The following FBXL17 variants were observed in gnomAD, a reference collection of about 807,000 sequenced individuals.
The protein encoded by FBXL17 is F-box/LRR-repeat protein 17.
Under a neutral mutation model 66.2 loss-of-function variants are expected in FBXL17, and 22 were observed. The ratio of observed to expected loss-of-function variants is 0.33; its 90% CI spans 0.24 to 0.47. FBXL17 has a LOEUF of 0.47. FBXL17 is among the 20% of genes least tolerant of loss of function. The pLI is 1.00. For missense variants in FBXL17, 878 were observed against 948.2 expected (o/e 0.93, Z 0.97); for synonymous variants, 474 against 400.5 (o/e 1.18, Z -2.19).
Position 108,177,932 on chromosome 5 carries a change from T to TATATATATATATATACACAC in FBXL17, c.1745+8184_1745+8185insGTGTGTATATATATATATAT, listed in dbSNP as rs1242739302. On this transcript the variant is annotated intron_variant, in intron 6 of 8. Transcript: ENST00000542267. The stretch of plus-strand genomic sequence containing the variant: ...AAATGTATATATATATATATATATA[T>TATATATATATATATACACAC]ACACACACACACTATTACCTCACTA... Among the ~76,000 whole-genome samples, 102 of 126,884 alleles carry TATATATATATATATACACAC rather than the reference T, an allele frequency of 8.0e-4. 2 individuals are homozygous for TATATATATATATATACACAC. Among genetic ancestry groups the TATATATATATATATACACAC allele is most frequent in the Non-Finnish European group, 1.6e-3 (90 of 57,320 alleles). 83.2% of individuals were successfully genotyped at this position (126,884 alleles called of 152,430 possible). A position where few individuals can be genotyped will look rare whatever the true frequency, so the allele number is the denominator to read the frequency against.
chr5:108,177,416 G>C (rs1752832628), intron 6 of FBXL17, among the ~76,000 whole-genome samples: 1 of 152,106 alleles, frequency 6.6e-6, no homozygotes, highest in Admixed American at 6.5e-5. Context: ...ATCCCATATG[G>C]AAAAGCAAAG....
At chr5:107,955,327 A>G (rs968639039) in intron 7 of FBXL17, among the ~76,000 whole-genome samples, 2 of 152,200 alleles carry the variant, frequency 1.3e-5, no homozygotes, top group African/African-American at 2.4e-5. Flanking sequence ...TAACGTGAGT[A>G]GCATAAGTTT....
chr5:108,268,280 T>C (rs1757125061), intron 4 of FBXL17, among the ~76,000 whole-genome samples: 1 of 152,064 alleles, frequency 6.6e-6, no homozygotes. Context: ...GGGATGTGGG[T>C]GTGTGTGTGT....
chr5:108,304,214 C>T (rs1758731084), intron 4 of FBXL17, among the ~76,000 whole-genome samples: 1 of 151,968 alleles, frequency 6.6e-6, no homozygotes, highest in Admixed American at 6.6e-5. Context: ...TTTTTATCTA[C>T]TACCGTATAA....
At chr5:108,215,138 A>AT (rs1754545188) in intron 5 of FBXL17, among the ~76,000 whole-genome samples, 1 of 152,140 alleles carries the variant, frequency 6.6e-6, no homozygotes, top group African/African-American at 2.4e-5. Context: ...TTGTTTCCAC[A>AT]TTTTAGCTGT....
At chr5:108,215,935 T>C (rs1754580977) in intron 5 of FBXL17, among the ~76,000 whole-genome samples, 1 of 147,868 alleles carries the variant, frequency 6.8e-6, no homozygotes, top group African/African-American at 2.5e-5. Context: ...CAGATATCCT[T>C]GCACCATGTG....
At chr5:108,311,114 C>G (rs1043350196) in intron 4 of FBXL17, among the ~76,000 whole-genome samples, 9 of 152,090 alleles carry the variant, frequency 5.9e-5, no homozygotes, top group Admixed American at 5.9e-4. Flanking sequence ...ACCTTCAGTT[C>G]CCCACTGCAG....
intron 7 of FBXL17, among the ~76,000 whole-genome samples, chr5:107,908,682 G>C (rs1411994028): frequency 6.6e-6 from 1 of 152,182 alleles, no homozygotes; most frequent in African/African-American, 2.4e-5. Context: ...CAGCTGAAAA[G>C]TGACAGGAGG....
chr5:107,972,931 T>G (rs754826935), intron 7 of FBXL17, among the ~76,000 whole-genome samples: 2 of 152,332 alleles, frequency 1.3e-5, no homozygotes, highest in East Asian at 3.9e-4. Context: ...ATATGAGTTT[T>G]ACAGCATGCT....
At chr5:108,362,628 A>C (rs1021661446) in intron 3 of FBXL17, among the ~76,000 whole-genome samples, 1 of 152,118 alleles carries the variant, frequency 6.6e-6, no homozygotes, top group Middle Eastern at 3.2e-3. Flanking sequence ...ATTCAACCAA[A>C]ACCAGCCTGA....
chr5:108,003,919 G>A (rs1355600572), intron 7 of FBXL17, among the ~76,000 whole-genome samples: 1 of 152,056 alleles, frequency 6.6e-6, no homozygotes, highest in Non-Finnish European at 1.5e-5. Flanking sequence ...GAGAAAATAA[G>A]GTTTGAAACT....
At chr5:107,939,585 G>A (rs1330158754) in intron 7 of FBXL17, among the ~76,000 whole-genome samples, 2 of 152,076 alleles carry the variant, frequency 1.3e-5, no homozygotes, top group Non-Finnish European at 2.9e-5. Context: ...GGAATTCAGA[G>A]GCAGTCTCTA....
At chr5:107,949,633 A>G (rs555874406) in intron 7 of FBXL17, among the ~76,000 whole-genome samples, 111 of 152,322 alleles carry the variant, frequency 7.3e-4, no homozygotes, top group African/African-American at 2.5e-3. Flanking sequence ...TACAGGCTGA[A>G]TGATCACCCT....
At chr5:108,301,875 G>T in intron 4 of FBXL17, 2 of 233,066 alleles carry the variant, frequency 8.6e-6, no homozygotes, top group Non-Finnish European at 1.4e-5. Flanking sequence ...TGCCTATTAT[G>T]ATTTTTAACT....
intron 7 of FBXL17, among the ~76,000 whole-genome samples, chr5:107,947,950 T>G (rs1465594094): frequency 6.6e-6 from 1 of 152,196 alleles, no homozygotes; most frequent in Non-Finnish European, 1.5e-5. Context: ...TAGACACATG[T>G]ACCCATGATT....
At chr5:108,313,735 T>C (rs1580798335) in intron 4 of FBXL17, among the ~76,000 whole-genome samples, 1 of 151,886 alleles carries the variant, frequency 6.6e-6, no homozygotes, top group African/African-American at 2.4e-5. Flanking sequence ...TGACAAGGAG[T>C]ACCACATATA....
At chr5:108,150,271 C>T (rs1243515770) in intron 6 of FBXL17, among the ~76,000 whole-genome samples, 4 of 152,162 alleles carry the variant, frequency 2.6e-5, no homozygotes, top group African/African-American at 9.6e-5. Flanking sequence ...CTACTTGTCC[C>T]AATCATACTG....
intron 1 of FBXL17, among the ~76,000 whole-genome samples, chr5:108,371,110 G>T (rs1580911782): frequency 6.6e-6 from 1 of 152,284 alleles, no homozygotes; most frequent in Non-Finnish European, 1.5e-5. Context: ...CTGCAAGACA[G>T]AGAATGTGAG....
At chr5:108,250,234 G>A (rs547786830) in intron 4 of FBXL17, among the ~76,000 whole-genome samples, 14 of 152,122 alleles carry the variant, frequency 9.2e-5, no homozygotes, top group Admixed American at 6.6e-4. Flanking sequence ...TGGGGCCAAC[G>A]TCTCTTGGCA....
Sources: gnomAD v4.1 joint callset for allele counts (sites outside exome capture counted in the v4.1 genomes callset) on GRCh38, gnomAD v4.1.1 for gene constraint, MANE v1.5 for transcripts, NCBI Gene and HGNC (gene_info 2026-07-23, HGNC 2026-07-21) for gene names.